The following MAP3K3 variants were observed in gnomAD, a reference collection of about 807,000 sequenced individuals.
MAP3K3 encodes mitogen-activated protein kinase kinase kinase 3.
A neutral mutation model predicts 80.9 loss-of-function variants in MAP3K3; 12 were observed. The ratio of observed to expected loss-of-function variants is 0.15; its 90% CI spans 0.10 to 0.24. The LOEUF (loss-of-function observed/expected upper bound fraction) is 0.24. Ranked by LOEUF, MAP3K3 falls within the 10% of genes least tolerant of loss-of-function variation. MAP3K3 has a pLI of 1.00. For missense variants in MAP3K3, 596 were observed against 834.7 expected, an observed-to-expected ratio of 0.71 and a Z score of 3.52; for synonymous variants, 272 against 307.1, an observed-to-expected ratio of 0.89 and a Z score of 1.19.
At chr17:63,622,787 C>T (rs1177587345) in intron 1 of MAP3K3, 24 bp downstream of exon 1, 1 of 508,362 alleles carries the variant, frequency 2.0e-6, no homozygotes, top group Non-Finnish European at 3.8e-6. Context: ...CCGCCCCGGC[C>T]TGTGCCCGCG....
At chr17:63,667,146 C>T in intron 6 of MAP3K3, 86 bp downstream of exon 6, 1 of 1,369,548 alleles carries the variant, frequency 7.3e-7, no homozygotes, top group Non-Finnish European at 9.9e-7. Context: ...ATTAAATAAT[C>T]ATCAAATATT....
intron 4 of MAP3K3, among the ~76,000 whole-genome samples, chr17:63,656,480 CT>C (rs1266823030): frequency 9.2e-5 from 14 of 151,600 alleles, no homozygotes; most frequent in Non-Finnish European, 1.3e-4. Context: ...TGGTGTGCAC[CT>C]GTAATCCCGG....
chr17:63,627,247 C>G lies in MAP3K3; in HGVS notation c.4+4484C>G, dbSNP rs191981181. 5.2e-3 allele frequency among the ~76,000 whole-genome samples: 799 copies of G among 152,224 alleles called. 9 individuals are homozygous for G. The highest frequency in any genetic ancestry group is 7.5e-3 in the Non-Finnish European group (507 of 68,012). On this transcript the variant is annotated intron_variant, in intron 1 of 15. Transcript: ENST00000361733. ...AACTCTAATCCTTGTTTGATAGATC[C>G]TTTTCTAGTTCCATGAATACTCCTC...
rs185563682 is a variant in MAP3K3 at position 63,665,563 on chromosome 17, G to T, written c.382-1377G>T. ...TTTTTGAATTCCCACTATGTGTAAG[G>T]CCCTGCATTCAGGCAGGTGGCAGGG... On this transcript the variant is annotated intron_variant, in intron 5 of 15. Coordinates refer to ENST00000361733, the MANE Select transcript of MAP3K3 (RefSeq NM_002401.5). Among the ~76,000 whole-genome samples the T allele has an allele frequency of 4.5e-3, 688 of 152,190 alleles. 1 individual carries two copies. Among genetic ancestry groups the T allele is most frequent in the Non-Finnish European group, 8.2e-3 (556 of 67,990 alleles).
chr17:63,632,753 C>G lies in MAP3K3; in HGVS notation c.77C>G (p.Pro26Arg). The change falls in exon 2 of 16, where the codon CCT becomes CGT. Residue 26 changes from proline to arginine, a missense_variant. Physicochemically the swap from Pro to Arg is moderately radical, Grantham distance 103. This residue lies in a region of MAP3K3 where 232 missense variants were observed against 245.8 expected (regional missense o/e 0.94). Transcript: ENST00000361733. ...CAGATGAACCGACGTCACCGGATGC[C>G]TGGATATGAGACCATGAAGAACAAA... is the stretch of plus-strand genomic sequence containing the variant. ...ALQMNRRHRM[P>R]GYETMKNKDT... 6.2e-7 allele frequency: 1 copy of G among 1,614,026 alleles called. No individual in the cohort carries two copies. The highest frequency in any genetic ancestry group is 8.5e-7 in the Non-Finnish European group (1 of 1,180,014).
rs1054744604 is a variant in MAP3K3 at position 63,689,386 on chromosome 17, G to T, written c.872-158G>T. Reference sequence around the variant, plus strand: ...GTGGAATGAGTCAGGTGGGAGTGCGGACGGGATGGGCTGGAGCTGGTATTA... The same window carrying T: ...GTGGAATGAGTCAGGTGGGAGTGCGTACGGGATGGGCTGGAGCTGGTATTA... On this transcript the variant is annotated intron_variant, in intron 10 of 15. Coordinates refer to ENST00000361733, the MANE Select transcript of MAP3K3 (RefSeq NM_002401.5). The surrounding 1 kb of genome is among the most constrained non-coding windows in gnomAD (Gnocchi z 4.3). The T allele has an allele frequency of 1.1e-5, 7 of 625,090 alleles. No individual in the cohort carries two copies. The highest frequency in any genetic ancestry group is 2.9e-5 in the Admixed American group (1 of 34,414). The allele number at this position is 625,090 out of a possible 1,614,324, so 38.7% of individuals were successfully genotyped here. A position where few individuals can be genotyped will look rare whatever the true frequency, so the allele number is the denominator to read the frequency against.
chr17:63,661,581 CTTGTAT>C (rs1029341585), intron 5 of MAP3K3, among the ~76,000 whole-genome samples: 3 of 152,218 alleles, frequency 2.0e-5, no homozygotes, highest in Non-Finnish European at 4.4e-5. Flanking sequence ...TCTTTTGTAA[CTTGTAT>C]TTGTATACGA....
chr17:63,684,076 C>T lies in MAP3K3; in HGVS notation c.637-1441C>T, dbSNP rs890929663. On this transcript the variant is annotated intron_variant, in intron 7 of 15. Transcript: ENST00000361733. ...ACTCGGGAGGCTGAGGTGGGAGGATCACTTGAGCCCAGGCTGCAGTGAATT... is the reference window on the plus strand; with the variant it reads ...ACTCGGGAGGCTGAGGTGGGAGGATTACTTGAGCCCAGGCTGCAGTGAATT... Among the ~76,000 whole-genome samples the T allele has an allele frequency of 3.9e-5, 6 of 152,260 alleles. No individual in the cohort carries two copies. In the South Asian group the frequency reaches 6.2e-4, roughly 16 times the overall value.
chr17:63,667,623 C>T (rs1302471536), intron 6 of MAP3K3, among the ~76,000 whole-genome samples: 1 of 152,118 alleles, frequency 6.6e-6, no homozygotes, highest in African/African-American at 2.4e-5. Context: ...TCTGTGGATG[C>T]TCAAGTCCCT....
At chr17:63,690,548 TG>T in intron 12 of MAP3K3, 136 bp downstream of exon 12, 1 of 941,732 alleles carries the variant, frequency 1.1e-6, no homozygotes. Context: ...CTGTCCATCC[TG>T]GTCCCAGCCA....
In MAP3K3 at chr17:63,686,372, A is replaced by G. The variant is rs137984797; in HGVS notation, c.710+782A>G. On this transcript the variant is annotated intron_variant, in intron 8 of 15. Coordinates refer to ENST00000361733, the MANE Select transcript of MAP3K3 (RefSeq NM_002401.5). ...CTGATGAGCACTGTCTTCCCTTTAGATATCATAGAATACAGTCATGGTTAC... is the reference window on the plus strand; with the variant it reads ...CTGATGAGCACTGTCTTCCCTTTAGGTATCATAGAATACAGTCATGGTTAC... 3.7e-3 allele frequency among the ~76,000 whole-genome samples: 559 copies of G among 152,346 alleles called. 4 individuals are homozygous for G. The highest frequency in any genetic ancestry group is 6.3e-3 in the Non-Finnish European group (429 of 68,034).
intron 2 of MAP3K3, among the ~76,000 whole-genome samples, chr17:63,645,294 C>T (rs546387761): frequency 6.6e-6 from 1 of 151,906 alleles, no homozygotes; most frequent in Non-Finnish European, 1.5e-5. Context: ...CAGAGTGACA[C>T]TCCGTCTCAA....
chr17:63,631,860 G>A (rs2034222705), intron 1 of MAP3K3, among the ~76,000 whole-genome samples: 1 of 152,164 alleles, frequency 6.6e-6, no homozygotes, highest in African/African-American at 2.4e-5. Context: ...GGTTGCTGGT[G>A]GTGGCGGCAT....
At position 63,657,849 on chromosome 17, in the gene MAP3K3, A is replaced by G. The variant is rs748881884; in HGVS notation, c.323A>G (p.Asp108Gly). 6.2e-6 allele frequency: 10 copies of G among 1,609,546 alleles called. No homozygotes were observed. The highest frequency in any genetic ancestry group is 1.1e-5 in the South Asian group (1 of 90,560). ...DDLDKAIDIL[D>G]RSSSMKSLRI... Reference sequence around the variant, plus strand: ...CTTGATAAAGCAATTGACATTTTAGATAGAAGCTCAAGCATGAAAAGCCTT... The same window carrying G: ...CTTGATAAAGCAATTGACATTTTAGGTAGAAGCTCAAGCATGAAAAGCCTT... The change falls in exon 5 of 16, where the codon GAT (aspartate) becomes GGT (glycine). Residue 108 changes from aspartate to glycine, a missense_variant. This residue lies in a region of MAP3K3 where 232 missense variants were observed against 245.8 expected (regional missense o/e 0.94). Coordinates refer to ENST00000361733, the MANE Select transcript of MAP3K3 (RefSeq NM_002401.5).
chr17:63,643,264 G>A (rs1238266781), intron 2 of MAP3K3, among the ~76,000 whole-genome samples: 2 of 151,998 alleles, frequency 1.3e-5, no homozygotes, highest in African/African-American at 4.8e-5. Flanking sequence ...CAGCACTTTG[G>A]GAGGCTGAGG....
At position 63,691,308 on chromosome 17, in the gene MAP3K3, G is replaced by T; in HGVS notation, c.1344+75G>T. 6.3e-7 allele frequency: 1 copy of T among 1,597,234 alleles called. No individual in the cohort carries two copies. The highest frequency in any genetic ancestry group is 8.6e-7 in the Non-Finnish European group (1 of 1,169,236). Reference sequence around the variant, plus strand: ...CTGGGGGCTGGGGCCTGCAGGAGGGGGGTCACCTTGGATAGGAGTTTGAAC... The same window carrying T: ...CTGGGGGCTGGGGCCTGCAGGAGGGTGGTCACCTTGGATAGGAGTTTGAAC... On this transcript the variant is annotated intron_variant, in intron 13 of 15. Coordinates refer to ENST00000361733, the MANE Select transcript of MAP3K3 (RefSeq NM_002401.5). The surrounding 1 kb of genome is among the most constrained non-coding windows in gnomAD (Gnocchi z 4.8).
At chr17:63,662,244 G>C (rs1253404712) in intron 5 of MAP3K3, among the ~76,000 whole-genome samples, 1 of 81,166 alleles carries the variant, frequency 1.2e-5, no homozygotes, top group East Asian at 4.0e-4. Flanking sequence ...TGTCTCTATT[G>C]AAAAAAAAAA....
At chr17:63,673,825 G>T (rs1018565285) in intron 6 of MAP3K3, among the ~76,000 whole-genome samples, 4 of 152,146 alleles carry the variant, frequency 2.6e-5, no homozygotes. Context: ...CAGGAGAATT[G>T]CTTGAACCTG....
intron 1 of MAP3K3, among the ~76,000 whole-genome samples, chr17:63,625,168 C>T (rs1238510421): frequency 6.6e-6 from 1 of 152,160 alleles, no homozygotes; most frequent in Non-Finnish European, 1.5e-5. Flanking sequence ...CTGTTCTAAG[C>T]CCAAGACTGA....
Sources: gnomAD v4.1 joint callset for allele counts (sites outside exome capture counted in the v4.1 genomes callset) on GRCh38, gnomAD v4.1.1 for gene constraint, gnomAD v4.1.1 regional missense constraint, Gnocchi (gnomAD v3.1) non-coding constraint, MANE v1.5 for transcripts, NCBI Gene and HGNC (gene_info 2026-07-23, HGNC 2026-07-21) for gene names.